BANP: variants seen among roughly 807,000 people sequenced by gnomAD.
The protein encoded by BANP is BTG3 associated nuclear protein, also known as protein BANP.
Under a neutral mutation model 68.1 loss-of-function variants are expected in BANP, and 11 were observed. The ratio of observed to expected loss-of-function variants is 0.16; its 90% CI spans 0.10 to 0.27. BANP has a LOEUF of 0.27. Ranked by LOEUF, BANP falls within the 10% of genes least tolerant of loss-of-function variation. BANP has a pLI of 1.00. For synonymous variants in BANP, 329 were observed against 303.2 expected, an observed-to-expected ratio of 1.09 and a Z score of -0.88; for missense variants, 504 against 722.7, an observed-to-expected ratio of 0.70 and a Z score of 3.47.
intron 1 of BANP, among the ~76,000 whole-genome samples, chr16:87,969,423 T>A (rs924301305): frequency 6.6e-6 from 1 of 152,246 alleles, no homozygotes; most frequent in African/African-American, 2.4e-5. Flanking sequence ...CAGCCATGTT[T>A]TCTGATATCT....
intron 13 of BANP, among the ~76,000 whole-genome samples, chr16:88,074,391 T>C (rs1381745458): frequency 6.6e-6 from 1 of 151,610 alleles, no homozygotes; most frequent in East Asian, 1.9e-4. Context: ...ATCCTCAAAG[T>C]GGAGAGTGGG....
intron 11 of BANP, among the ~76,000 whole-genome samples, chr16:88,040,409 G>T (rs1014947360): frequency 6.6e-6 from 1 of 152,082 alleles, no homozygotes; most frequent in African/African-American, 2.4e-5. Context: ...CGATGTTGTC[G>T]ACTGGGCTAA....
intron 8 of BANP, among the ~76,000 whole-genome samples, chr16:88,028,709 A>T (rs1381233176): frequency 6.6e-6 from 1 of 152,224 alleles, no homozygotes. Flanking sequence ...ACCATGTAGC[A>T]GCGTAACCTG....
intron 11 of BANP, among the ~76,000 whole-genome samples, chr16:88,055,944 A>C (rs1351510994): frequency 6.6e-6 from 1 of 152,322 alleles, no homozygotes; most frequent in African/African-American, 2.4e-5. Context: ...AAAGGTCTGA[A>C]GTGGAGTGAG....
chr16:88,039,895 CCT>C (rs2080314287), intron 11 of BANP, among the ~76,000 whole-genome samples: 1 of 152,208 alleles, frequency 6.6e-6, no homozygotes, highest in Admixed American at 6.5e-5. Flanking sequence ...TTCCGTGGCC[CCT>C]CTGAGTCCCC....
At chr16:87,963,050 G>T (rs980385647) in intron 1 of BANP, among the ~76,000 whole-genome samples, 1 of 152,074 alleles carries the variant, frequency 6.6e-6, no homozygotes, top group Non-Finnish European at 1.5e-5. Context: ...TTTTTACCAG[G>T]TACCACTTAG....
At chr16:88,050,913 C>G (rs1410263769) in intron 11 of BANP, among the ~76,000 whole-genome samples, 1 of 152,182 alleles carries the variant, frequency 6.6e-6, no homozygotes, top group African/African-American at 2.4e-5. Context: ...TCTCAAACTC[C>G]TGCGCTCAAG....
rs538931340 is a variant in BANP, at chr16:88,029,963, G to T, written c.1063+2313G>T. Among the ~76,000 whole-genome samples, 35 of 152,336 alleles carry T rather than the reference G, an allele frequency of 2.3e-4. No individual in the cohort carries two copies. In the South Asian group the frequency reaches 7.0e-3, roughly 31 times the overall value. On this transcript the variant is annotated intron_variant, in intron 8 of 13. Coordinates refer to ENST00000682872, the MANE Select transcript of BANP (RefSeq NM_001386991.1). ...ACTCCAAGGCAGGCATGAGCTCAAT[G>T]GCTCCTAAGCTCACCCCAGGCTGGG...
chr16:88,049,367 G>A (rs748902256), intron 11 of BANP, among the ~76,000 whole-genome samples: 3 of 152,170 alleles, frequency 2.0e-5, no homozygotes, highest in Non-Finnish European at 4.4e-5. Flanking sequence ...GGCGAGGTAC[G>A]GGGGAAGGGG....
intron 8 of BANP, among the ~76,000 whole-genome samples, chr16:88,031,000 T>C (rs2152732560): frequency 6.6e-6 from 1 of 152,288 alleles, no homozygotes; most frequent in South Asian, 2.1e-4. Flanking sequence ...GCTAAGAGGG[T>C]CAGTGGAGGA....
At chr16:87,967,080 A>T (rs1398104917) in intron 1 of BANP, among the ~76,000 whole-genome samples, 2 of 152,166 alleles carry the variant, frequency 1.3e-5, no homozygotes, top group Non-Finnish European at 2.9e-5. Flanking sequence ...GCTGTGGGAC[A>T]GGCTGGGAAG....
intron 2 of BANP, among the ~76,000 whole-genome samples, chr16:87,976,433 C>T (rs2062134581): frequency 6.8e-6 from 1 of 146,576 alleles, no homozygotes; most frequent in Non-Finnish European, 1.5e-5. Context: ...TTCATCTCTT[C>T]ATCTGTGATA....
intron 3 of BANP, 49 bp from the exon 4 acceptor site, chr16:87,984,011 C>T (rs752689308): frequency 6.3e-7 from 1 of 1,585,954 alleles, no homozygotes; most frequent in East Asian, 2.3e-5. Context: ...GGGTTGTCTT[C>T]TTACAGTTCA....
intron 11 of BANP, among the ~76,000 whole-genome samples, chr16:88,061,786 C>T (rs2086881941): frequency 6.6e-6 from 1 of 152,150 alleles, no homozygotes; most frequent in African/African-American, 2.4e-5. Context: ...CTGCCTCAGC[C>T]TCCTGAGTAG....
At chr16:88,061,442 T>C (rs1477014788) in intron 11 of BANP, among the ~76,000 whole-genome samples, 1 of 152,242 alleles carries the variant, frequency 6.6e-6, no homozygotes, top group Non-Finnish European at 1.5e-5. Context: ...GCTGGCCTGC[T>C]GTGTGTGCTC....
intron 11 of BANP, among the ~76,000 whole-genome samples, chr16:88,059,098 TGCTGGTGTGCTG>T (rs2085967749): frequency 2.6e-5 from 4 of 151,386 alleles, no homozygotes; most frequent in African/African-American, 9.7e-5. Context: ...TCCGTGCTCC[TGCTGGTGTGCTG>T]AGGTCCGTGC....
At position 87,961,408 on chromosome 16, in the gene BANP, C is replaced by G. The variant is rs961843178; in HGVS notation, c.-69+9893C>G. Among the ~76,000 whole-genome samples, 13 of 78,808 alleles carry G rather than the reference C, an allele frequency of 1.6e-4. 1 individual carries two copies. Among genetic ancestry groups the G allele is most frequent in the African/African-American group, 4.7e-4 (10 of 21,414 alleles). 51.7% of individuals were successfully genotyped at this position (78,808 alleles called of 152,430 possible). The stretch of plus-strand genomic sequence containing the variant: ...CGAACTCCTGGACTCACAGAATCTG[C>G]ACCCCCCCGGGCCTCCCAAAGTGCT... On this transcript the variant is annotated intron_variant, in intron 1 of 13. Transcript: ENST00000682872.
intron 5 of BANP, 125 bp from the exon 6 acceptor site, chr16:88,005,965 A>G (rs1461288810): frequency 9.8e-6 from 11 of 1,118,812 alleles, no homozygotes; most frequent in Non-Finnish European, 1.5e-5. Flanking sequence ...AGAGAGCAGT[A>G]TGGGAAGGCT....
At chr16:87,967,204 C>G (rs553274182) in intron 1 of BANP, among the ~76,000 whole-genome samples, 14 of 150,346 alleles carry the variant, frequency 9.3e-5, no homozygotes, top group Non-Finnish European at 1.3e-4. Context: ...AGGGGAGCCT[C>G]AGAAACTTTG....
Sources: allele counts gnomAD v4.1 joint callset (sites outside exome capture counted in the v4.1 genomes callset), GRCh38; gene constraint gnomAD v4.1.1; transcripts MANE v1.5; gene names NCBI Gene and HGNC (gene_info 2026-07-23, HGNC 2026-07-21).